MECOM: variants seen among roughly 807,000 people sequenced by gnomAD.
MECOM encodes histone-lysine N-methyltransferase MECOM.
A neutral mutation model predicts 116.3 loss-of-function variants in MECOM; 13 were observed. The observed-to-expected ratio is 0.11, with a 90% CI of 0.07 to 0.18. MECOM has a LOEUF of 0.18. Ranked by LOEUF, MECOM falls within the 10% of genes least tolerant of loss-of-function variation. MECOM has a pLI of 1.00. For missense variants in MECOM, 1,299 were observed against 1,509.0 expected, an observed-to-expected ratio of 0.86 and a Z score of 2.31; for synonymous variants, 528 against 535.2, an observed-to-expected ratio of 0.99 and a Z score of 0.19.
chr3:169,514,327 G>A (rs925941400), intron 1 of MECOM, among the ~76,000 whole-genome samples: 5 of 151,620 alleles, frequency 3.3e-5, no homozygotes, highest in African/African-American at 7.3e-5. Context: ...GAGAGACATC[G>A]TTTTACAAAA....
chr3:169,147,382 C>T (rs756435138), intron 2 of MECOM: 13 of 985,540 alleles, frequency 1.3e-5, no homozygotes, highest in Non-Finnish European at 1.6e-5. Flanking sequence ...ATTTCATGAA[C>T]TGTCTCTTTA....
chr3:169,436,629 T>G (rs1212737879), intron 1 of MECOM, among the ~76,000 whole-genome samples: 1 of 152,204 alleles, frequency 6.6e-6, no homozygotes, highest in Non-Finnish European at 1.5e-5. Flanking sequence ...AGTTTTCTCT[T>G]TTGACATTGA....
At chr3:169,659,440 ATTTTT>A (rs56270349) in intron 1 of MECOM, among the ~76,000 whole-genome samples, 380 of 62,066 alleles carry the variant, frequency 6.1e-3, no homozygotes, top group African/African-American at 0.021. Context: ...CTAAACACAG[ATTTTT>A]TTTTTTTTTT....
At chr3:169,638,886 A>C (rs1773129936) in intron 1 of MECOM, among the ~76,000 whole-genome samples, 1 of 152,162 alleles carries the variant, frequency 6.6e-6, no homozygotes, top group Non-Finnish European at 1.5e-5. Context: ...TTCTTGACCT[A>C]GGAGGGGTCA....
At chr3:169,515,794 A>C (rs888042322) in intron 1 of MECOM, among the ~76,000 whole-genome samples, 1 of 152,242 alleles carries the variant, frequency 6.6e-6, no homozygotes, top group African/African-American at 2.4e-5. Context: ...ATATCTTGCA[A>C]GATTTACTTG....
At chr3:169,561,191 A>C (rs1235972220) in intron 1 of MECOM, among the ~76,000 whole-genome samples, 1 of 152,038 alleles carries the variant, frequency 6.6e-6, no homozygotes, top group Non-Finnish European at 1.5e-5. Context: ...TGAATATTGG[A>C]GCTTTCATAC....
At chr3:169,242,426 T>G (rs1754985475) in intron 2 of MECOM, among the ~76,000 whole-genome samples, 1 of 152,134 alleles carries the variant, frequency 6.6e-6, no homozygotes, top group Non-Finnish European at 1.5e-5. Context: ...TACTAATGTG[T>G]GGTCAGTTTC....
rs886610464 is a variant in MECOM, at chr3:169,475,490, A to G, written c.38-93966T>C. On this transcript the variant is annotated intron_variant, in intron 1 of 16. Coordinates refer to ENST00000651503, the MANE Select transcript of MECOM (RefSeq NM_004991.4). Reference sequence around the variant, plus strand: ...AGCCAAACTGAGAATTTCTAAGGCCAGGAATACGGGCTGCCCTTTCTTTTA... The same window carrying G: ...AGCCAAACTGAGAATTTCTAAGGCCGGGAATACGGGCTGCCCTTTCTTTTA... Among the ~76,000 whole-genome samples, 5 of 152,238 alleles carry G rather than the reference A, an allele frequency of 3.3e-5. No individual in the cohort carries two copies. The East Asian group carries it at 9.6e-4, about 29-fold the overall frequency.
At chr3:169,578,776 A>C (rs1764791918) in intron 1 of MECOM, among the ~76,000 whole-genome samples, 2 of 152,140 alleles carry the variant, frequency 1.3e-5, no homozygotes, top group Admixed American at 1.3e-4. Flanking sequence ...AAAAGGGTAT[A>C]CTCTTCAATG....
chr3:169,273,516 T>C (rs569233289), intron 2 of MECOM, among the ~76,000 whole-genome samples: 1 of 152,212 alleles, frequency 6.6e-6, no homozygotes, highest in Non-Finnish European at 1.5e-5. Flanking sequence ...AGTCAATAAT[T>C]ATCTAAGTGG....
intron 2 of MECOM, among the ~76,000 whole-genome samples, chr3:169,306,372 T>C (rs1185963308): frequency 6.6e-6 from 1 of 152,058 alleles, no homozygotes; most frequent in Non-Finnish European, 1.5e-5. Context: ...AGATGACATA[T>C]AAAATAGAAA....
At chr3:169,335,233 G>A (rs1275692415) in intron 2 of MECOM, among the ~76,000 whole-genome samples, 4 of 152,114 alleles carry the variant, frequency 2.6e-5, no homozygotes, top group Non-Finnish European at 5.9e-5. Context: ...AAACAACAGA[G>A]CAAAAACAGC....
chr3:169,266,207 G>A (rs185755657), intron 2 of MECOM, among the ~76,000 whole-genome samples: 54 of 152,174 alleles, frequency 3.5e-4, no homozygotes, highest in Admixed American at 3.5e-3. Context: ...TGACAGCCAG[G>A]CAGCATCATA....
chr3:169,580,940 G>A (rs941256129), intron 1 of MECOM, among the ~76,000 whole-genome samples: 20 of 152,294 alleles, frequency 1.3e-4, no homozygotes, highest in African/African-American at 4.8e-4. Flanking sequence ...TAAAGCCACT[G>A]TAACCAGCCA....
At chr3:169,641,858 A>G (rs548818533) in intron 1 of MECOM, among the ~76,000 whole-genome samples, 1 of 152,328 alleles carries the variant, frequency 6.6e-6, no homozygotes, top group African/African-American at 2.4e-5. Context: ...AGAGAGAACA[A>G]TTGTGGGCAC....
intron 1 of MECOM, among the ~76,000 whole-genome samples, chr3:169,626,617 CTCGTGATAGCAACAATT>C (rs1399779808): frequency 1.3e-5 from 2 of 152,144 alleles, no homozygotes; most frequent in Admixed American, 1.3e-4. Flanking sequence ...CTTCCTCTCC[CTCGTGATAGCAACAATT>C]TCAAGTTTTA....
chr3:169,251,676 G>A (rs770827338), intron 2 of MECOM, among the ~76,000 whole-genome samples: 37 of 152,172 alleles, frequency 2.4e-4, no homozygotes, highest in Non-Finnish European at 4.4e-4. Context: ...TTGGCCAAGT[G>A]TCTCCAGCAT....
chr3:169,126,127 T>C (rs908822160), intron 5 of MECOM, among the ~76,000 whole-genome samples: 4 of 152,084 alleles, frequency 2.6e-5, no homozygotes, highest in Admixed American at 2.0e-4. Flanking sequence ...ATAATTAGAT[T>C]TCCTTATTGT....
chr3:169,221,542 A>G (rs1752130712), intron 2 of MECOM, among the ~76,000 whole-genome samples: 1 of 150,446 alleles, frequency 6.6e-6, no homozygotes, highest in African/African-American at 2.5e-5. Flanking sequence ...TCAAGAGCAC[A>G]GCTTTTGGAG....
Sources: allele counts gnomAD v4.1 joint callset (sites outside exome capture counted in the v4.1 genomes callset), GRCh38; gene constraint gnomAD v4.1.1; transcripts MANE v1.5; gene names NCBI Gene and HGNC (gene_info 2026-07-23, HGNC 2026-07-21).